Variants in SCAPER observed in about 807,000 individuals in gnomAD.
SCAPER encodes S phase cyclin A-associated protein in the endoplasmic reticulum.
In SCAPER, 98 loss-of-function variants were observed where a neutral mutation model predicts 182.2. The ratio of observed to expected loss-of-function variants is 0.54; its 90% CI spans 0.46 to 0.64. SCAPER has a LOEUF of 0.64. Among genes scored for constraint, SCAPER ranks in the 30% least tolerant of loss-of-function variants. The probability of loss-of-function intolerance (pLI) is 0.00; values close to 1 mark genes in which losing one functional copy is unlikely to be tolerated. For missense variants in SCAPER, 1,432 were observed against 1,690.0 expected (o/e 0.85, Z 2.68); for synonymous variants, 605 against 564.6 (o/e 1.07, Z -1.01).
In SCAPER at chr15:76,458,827, AC is replaced by A. The variant is rs1050036797; in HGVS notation, c.3078+12384del. Among the ~76,000 whole-genome samples the A allele has an allele frequency of 1.2e-4, 19 of 152,156 alleles. 1 individual carries two copies. Among genetic ancestry groups the A allele is most frequent in the African/African-American group, 4.1e-4 (17 of 41,522 alleles). The stretch of plus-strand genomic sequence containing the variant: ...AATCTCTCTTTTATCTGCCCCTGTC[AC>A]CACACACCCTTCCAGGCCTCTAATA... On this transcript the variant is annotated intron_variant, in intron 25 of 31. Transcript: ENST00000563290.
At chr15:76,816,709 G>T (rs1253353367) in intron 5 of SCAPER, among the ~76,000 whole-genome samples, 1 of 150,030 alleles carries the variant, frequency 6.7e-6, no homozygotes, top group Non-Finnish European at 1.5e-5. Context: ...CTGGAGTGCA[G>T]TGGCGCTATC....
At position 76,688,444 on chromosome 15, in the gene SCAPER, A is replaced by G. The variant is rs1028940011; in HGVS notation, c.2508+13314T>C. Among the ~76,000 whole-genome samples, 19 of 152,142 alleles carry G rather than the reference A, an allele frequency of 1.2e-4. 1 individual carries two copies. Among genetic ancestry groups the G allele is most frequent in the African/African-American group, 4.1e-4 (17 of 41,500 alleles). ...TGCAGAAGCTCTTTGGTTTAATTAG[A>G]TCCCATTTGTCAATCTTGGCTTTTG... On this transcript the variant is annotated intron_variant, in intron 20 of 31. Transcript: ENST00000563290.
intron 24 of SCAPER, among the ~76,000 whole-genome samples, chr15:76,502,295 C>T (rs1375797337): frequency 2.6e-5 from 4 of 152,006 alleles, no homozygotes; most frequent in Admixed American, 6.6e-5. Context: ...CTTGAGGAAT[C>T]GCCACACTCT....
At chr15:76,831,219 A>G (rs968294256) in intron 5 of SCAPER, among the ~76,000 whole-genome samples, 2 of 152,110 alleles carry the variant, frequency 1.3e-5, no homozygotes, top group Non-Finnish European at 2.9e-5. Flanking sequence ...CTGCCAGACC[A>G]GGAGAGGGCA....
In SCAPER at chr15:76,747,096, T is replaced by G. The variant is rs528704134; in HGVS notation, c.1866+6712A>C. Among the ~76,000 whole-genome samples the G allele has an allele frequency of 1.9e-3, 282 of 152,316 alleles. 2 individuals carry two copies. Among genetic ancestry groups the G allele is most frequent in the African/African-American group, 6.4e-3 (268 of 41,572 alleles). On this transcript the variant is annotated intron_variant, in intron 15 of 31. Transcript: ENST00000563290. ...ATAACAAAGTTGGAGGACTCACTGT[T>G]CCCATTTCAAAGCTTACTAAAAAGC...
In SCAPER at chr15:76,542,548, AAAAAT is replaced by A. The variant is rs371485796; in HGVS notation, c.2838+31605_2838+31609del. 4.8e-3 allele frequency among the ~76,000 whole-genome samples: 725 copies of A among 149,732 alleles called. 39 individuals are homozygous for A. The East Asian group carries it at 0.13, about 26-fold the overall frequency. On this transcript the variant is annotated intron_variant, in intron 23 of 31. Transcript: ENST00000563290. ...CCATCTCAAAAATAAATAAATAAATAAAAATAAAATAAAATAAAATAAAATAAAAT... is the reference window on the plus strand; with the variant it reads ...CCATCTCAAAAATAAATAAATAAATAAAAATAAAATAAAATAAAATAAAAT...
intron 24 of SCAPER, among the ~76,000 whole-genome samples, chr15:76,488,821 G>A (rs438915): frequency 0.21 from 30,409 of 145,472 alleles, 3,942 homozygotes; most frequent in African/African-American, 0.38. Flanking sequence ...TGCCCCCCAG[G>A]TTCAAGCGAT....
chr15:76,554,720 G>A (rs949467077), intron 23 of SCAPER, among the ~76,000 whole-genome samples: 2 of 151,188 alleles, frequency 1.3e-5, no homozygotes, highest in African/African-American at 4.8e-5. Context: ...AATCACATCA[G>A]GGTAACAGTG....
chr15:76,860,739 T>TA (rs967796591), intron 3 of SCAPER, among the ~76,000 whole-genome samples: 5 of 151,840 alleles, frequency 3.3e-5, no homozygotes, highest in Admixed American at 6.6e-5. Context: ...GGACCAAATG[T>TA]AAAAAAGATA....
At chr15:76,667,155 C>A (rs1332851518) in intron 20 of SCAPER, among the ~76,000 whole-genome samples, 1 of 152,150 alleles carries the variant, frequency 6.6e-6, no homozygotes, top group Non-Finnish European at 1.5e-5. Context: ...ACCACCCTTA[C>A]CAATCTACAA....
chr15:76,749,790 A>G (rs866786263), intron 15 of SCAPER, among the ~76,000 whole-genome samples: 1 of 152,078 alleles, frequency 6.6e-6, no homozygotes, highest in African/African-American at 2.4e-5. Context: ...TAAGATGTCA[A>G]TTCTCCTCCA....
chr15:76,705,217 T>TA (rs200308130), intron 18 of SCAPER, among the ~76,000 whole-genome samples: 23,249 of 151,520 alleles, frequency 0.15, 2,017 homozygotes, highest in African/African-American at 0.24. Context: ...TATGCAGCCA[T>TA]AAAAAAAATG....
At chr15:76,503,760 C>G (rs773164394) in intron 24 of SCAPER, among the ~76,000 whole-genome samples, 48 of 152,214 alleles carry the variant, frequency 3.2e-4, no homozygotes, top group Middle Eastern at 6.8e-3. Context: ...AAACTAGAAC[C>G]CATGTTTGTC....
chr15:76,405,567 T>G (rs2044770078), intron 26 of SCAPER, among the ~76,000 whole-genome samples: 2 of 152,244 alleles, frequency 1.3e-5, no homozygotes, highest in South Asian at 4.1e-4. Flanking sequence ...ATCATTTCCA[T>G]CTTTTCAGTA....
chr15:76,718,336 C>A (rs978295583), intron 17 of SCAPER, among the ~76,000 whole-genome samples: 7 of 152,036 alleles, frequency 4.6e-5, no homozygotes, highest in Admixed American at 3.9e-4. Flanking sequence ...AAAACATCAG[C>A]CTAAGGAATG....
At position 76,685,323 on chromosome 15, in the gene SCAPER, A is replaced by T. The variant is rs578192190; in HGVS notation, c.2508+16435T>A. ...CTATGGATATGAGCCAATGTGATTT[A>T]AAAAAAAAAAAGTAAATTTGAGTTA... On this transcript the variant is annotated intron_variant, in intron 20 of 31. Coordinates refer to ENST00000563290, the MANE Select transcript of SCAPER (RefSeq NM_020843.4). Among the ~76,000 whole-genome samples the T allele has an allele frequency of 4.4e-3, 648 of 145,626 alleles. 4 individuals are homozygous for T. Among genetic ancestry groups the T allele is most frequent in the South Asian group, 0.017 (77 of 4,588 alleles).
chr15:76,604,693 T>G (rs2050214661), intron 22 of SCAPER, among the ~76,000 whole-genome samples: 1 of 152,142 alleles, frequency 6.6e-6, no homozygotes, highest in African/African-American at 2.4e-5. Context: ...GTATCCTCCT[T>G]TATTTCACTG....
chr15:76,485,239 A>C (rs894946696), intron 24 of SCAPER, among the ~76,000 whole-genome samples: 2 of 152,192 alleles, frequency 1.3e-5, no homozygotes, highest in African/African-American at 4.8e-5. Flanking sequence ...TATCACCGAC[A>C]ACAGTCAAGC....
At chr15:76,398,083 T>C (rs928690673) in intron 27 of SCAPER, among the ~76,000 whole-genome samples, 19 of 152,212 alleles carry the variant, frequency 1.2e-4, no homozygotes, top group Non-Finnish European at 8.8e-5. Flanking sequence ...TTCTCCTTTA[T>C]GTCTTTGCTT....
Sources: allele counts gnomAD v4.1 joint callset (sites outside exome capture counted in the v4.1 genomes callset), GRCh38; gene constraint gnomAD v4.1.1; transcripts MANE v1.5; gene names NCBI Gene and HGNC (gene_info 2026-07-23, HGNC 2026-07-21).